Variants in DIP2B observed in about 807,000 individuals in gnomAD.
DIP2B encodes the protein disco-interacting protein 2 homolog B.
In DIP2B, 76 loss-of-function variants were observed where a neutral mutation model predicts 198.0. That is an observed-to-expected ratio of 0.38 (90% CI 0.32 to 0.46). The LOEUF is 0.46. Among genes scored for constraint, DIP2B ranks in the 20% least tolerant of loss-of-function variants. The pLI, the probability that DIP2B is intolerant of heterozygous loss-of-function variation, is 0.99. For missense variants in DIP2B, 1,559 were observed against 1,978.4 expected (o/e 0.79, Z 4.02); for synonymous variants, 701 against 739.1 (o/e 0.95, Z 0.84).
At chr12:50,520,795 G>A (rs1190513108) in intron 1 of DIP2B, among the ~76,000 whole-genome samples, 2 of 152,058 alleles carry the variant, frequency 1.3e-5, no homozygotes, top group African/African-American at 2.4e-5. Context: ...AATGCTTTTC[G>A]GTTCAGCTAG....
Position 50,505,249 on chromosome 12 carries a change from C to T in DIP2B, c.100+9C>T. 8 of 1,496,698 alleles carry T rather than the reference C, an allele frequency of 5.3e-6. No homozygotes were observed. The highest frequency in any genetic ancestry group is 2.7e-5 in the East Asian group (1 of 36,502). 92.7% of individuals were successfully genotyped at this position (1,496,698 alleles called of 1,614,324 possible). Reference sequence around the variant, plus strand: ...GCTGGAGCTCTCGGAGGGTAGGAGCCGGGCCGGGGAGAGGGCGCCCGGGGC... The same window carrying T: ...GCTGGAGCTCTCGGAGGGTAGGAGCTGGGCCGGGGAGAGGGCGCCCGGGGC... On this transcript the variant is annotated intron_variant, in intron 1 of 37. Transcript: ENST00000301180.
chr12:50,722,816 G>T (rs565687453), intron 26 of DIP2B, among the ~76,000 whole-genome samples: 1 of 152,248 alleles, frequency 6.6e-6, no homozygotes, highest in East Asian at 1.9e-4. Flanking sequence ...TTTTAGAGCA[G>T]CCTTCTAAAT....
intron 1 of DIP2B, among the ~76,000 whole-genome samples, chr12:50,561,955 G>T (rs1301684377): frequency 6.6e-6 from 1 of 152,050 alleles, no homozygotes; most frequent in African/African-American, 2.4e-5. Context: ...CTCTTTGAAG[G>T]GTTCTTATTC....
chr12:50,653,910 GT>G (rs1419800206), intron 3 of DIP2B, among the ~76,000 whole-genome samples: 1 of 151,974 alleles, frequency 6.6e-6, no homozygotes, highest in African/African-American at 2.4e-5. Flanking sequence ...GCCTTACTCT[GT>G]TGCCCAGGCT....
chr12:50,729,732 TTTTC>T (rs1940003400), intron 30 of DIP2B, among the ~76,000 whole-genome samples: 1 of 138,422 alleles, frequency 7.2e-6, no homozygotes, highest in South Asian at 2.4e-4. Flanking sequence ...TTTTTTTTCT[TTTTC>T]TTTTTTTTTT....
chr12:50,635,154 G>A (rs1593674235), intron 2 of DIP2B, among the ~76,000 whole-genome samples: 1 of 152,194 alleles, frequency 6.6e-6, no homozygotes, highest in East Asian at 1.9e-4. Flanking sequence ...AGGAGAGGCA[G>A]GATACTGCTC....
At chr12:50,694,758 C>T (rs184630870) in intron 14 of DIP2B, among the ~76,000 whole-genome samples, 1 of 150,424 alleles carries the variant, frequency 6.6e-6, no homozygotes, top group Admixed American at 6.7e-5. Flanking sequence ...GGAATGTGCT[C>T]CTTGAAACAT....
At chr12:50,560,405 A>C (rs1360576679) in intron 1 of DIP2B, among the ~76,000 whole-genome samples, 3 of 151,632 alleles carry the variant, frequency 2.0e-5, no homozygotes, top group African/African-American at 7.3e-5. Context: ...CCAAAAAAAA[A>C]AAAAGCAAAA....
At chr12:50,625,896 T>C in intron 1 of DIP2B, 80 bp from the exon 2 acceptor site, 2 of 1,461,344 alleles carry the variant, frequency 1.4e-6, no homozygotes, top group Non-Finnish European at 1.9e-6. Context: ...TCTATAACTC[T>C]GTAATTAATT....
At chr12:50,655,169 T>G in intron 3 of DIP2B, 1 of 233,874 alleles carries the variant, frequency 4.3e-6, no homozygotes, top group Non-Finnish European at 9.0e-6. Flanking sequence ...TGTACAGTAG[T>G]GTACTATACA....
rs59566626 is a variant in DIP2B at position 50,742,394 on chromosome 12, CAAAAAAAA to C, written c.4478+876_4478+883del. Among the ~76,000 whole-genome samples the C allele has an allele frequency of 4.1e-3, 196 of 47,476 alleles. 1 individual carries two copies. Among genetic ancestry groups the C allele is most frequent in the African/African-American group, 0.012 (113 of 9,444 alleles). The allele number at this position is 47,476 out of a possible 152,430, so 31.1% of individuals were successfully genotyped here. A position where few individuals can be genotyped will look rare whatever the true frequency, so the allele number is the denominator to read the frequency against. Reference sequence around the variant, plus strand: ...CCCTGGTGACAGACTGAGACTGTCTCAAAAAAAAAAAAAAAAAAAAAAAAAAAACCACC... The same window carrying C: ...CCCTGGTGACAGACTGAGACTGTCTCAAAAAAAAAAAAAAAAAAAACCACC... On this transcript the variant is annotated intron_variant, in intron 37 of 37. Transcript: ENST00000301180.
chr12:50,560,423 C>G (rs572446937), intron 1 of DIP2B, among the ~76,000 whole-genome samples: 61 of 151,246 alleles, frequency 4.0e-4, no homozygotes, highest in Middle Eastern at 6.8e-3. Context: ...AAAAACTTAG[C>G]TGGGCGTGGT....
intron 3 of DIP2B, among the ~76,000 whole-genome samples, chr12:50,647,298 A>G (rs1280203617): frequency 6.6e-6 from 1 of 152,146 alleles, no homozygotes; most frequent in Non-Finnish European, 1.5e-5. Context: ...AACAAGGTTC[A>G]GAGGTGACAC....
chr12:50,525,779 C>T (rs1958159085), intron 1 of DIP2B, among the ~76,000 whole-genome samples: 1 of 152,136 alleles, frequency 6.6e-6, no homozygotes. Flanking sequence ...TCCCAAAGTG[C>T]CGGGGTTGCA....
chr12:50,729,301 C>T (rs191031647), intron 30 of DIP2B, among the ~76,000 whole-genome samples: 1 of 152,184 alleles, frequency 6.6e-6, no homozygotes, highest in Admixed American at 6.5e-5. Context: ...TGGGTCTTAT[C>T]TTCAGATTCT....
intron 1 of DIP2B, among the ~76,000 whole-genome samples, chr12:50,550,841 T>TG (rs764565843): frequency 4.6e-5 from 7 of 152,214 alleles, no homozygotes; most frequent in Admixed American, 6.5e-5. Context: ...TCCAGAAAGA[T>TG]GGTCCGACAC....
At position 50,741,519 on chromosome 12, in the gene DIP2B, C is replaced by A. The variant is rs771197303; in HGVS notation, c.4458C>A (p.Ile1486=). 6.2e-7 allele frequency: 1 copy of A among 1,613,718 alleles called. No individual in the cohort carries two copies. The highest frequency in any genetic ancestry group is 1.1e-5 in the South Asian group (1 of 91,062). ...PIDIETSVSR[I]HRSIAECAVF... Reference sequence around the variant, plus strand: ...ATATTGAGACCTCGGTGTCCCGGATCCACAGAAGCATTGCTGAATGGTAAC... The same window carrying A: ...ATATTGAGACCTCGGTGTCCCGGATACACAGAAGCATTGCTGAATGGTAAC... The change falls in exon 37 of 38, where the codon ATC becomes ATA. Residue 1486 remains isoleucine (I), a synonymous_variant. Coordinates refer to ENST00000301180, the MANE Select transcript of DIP2B (RefSeq NM_173602.3).
chr12:50,711,003 T>G (rs1043837676), intron 22 of DIP2B, among the ~76,000 whole-genome samples: 8 of 152,184 alleles, frequency 5.3e-5, no homozygotes, highest in Non-Finnish European at 1.0e-4. Flanking sequence ...GGTAGAAGCT[T>G]TGGTGAATTA....
At chr12:50,634,705 G>T (rs1388615367) in intron 2 of DIP2B, among the ~76,000 whole-genome samples, 1 of 151,992 alleles carries the variant, frequency 6.6e-6, no homozygotes, top group Non-Finnish European at 1.5e-5. Context: ...CATAGATTGT[G>T]GCCTGTTTGT....
Sources: gnomAD v4.1 joint callset for allele counts (sites outside exome capture counted in the v4.1 genomes callset) on GRCh38, gnomAD v4.1.1 for gene constraint, MANE v1.5 for transcripts, NCBI Gene and HGNC (gene_info 2026-07-23, HGNC 2026-07-21) for gene names.